SPARCL1: variants seen among roughly 807,000 people sequenced by gnomAD.
SPARCL1 encodes SPARC like 1.
Under a neutral mutation model 67.1 loss-of-function variants are expected in SPARCL1, and 52 were observed. The ratio of observed to expected loss-of-function variants is 0.78; its 90% CI spans 0.62 to 0.98. SPARCL1 has a LOEUF of 0.98. Ranked by LOEUF, SPARCL1 falls within the 50% of genes least tolerant of loss-of-function variation. The probability of loss-of-function intolerance (pLI) is 0.00; values close to 1 mark genes in which losing one functional copy is unlikely to be tolerated. For missense variants in SPARCL1, 717 were observed against 782.4 expected, an observed-to-expected ratio of 0.92 and a Z score of 1.00; for synonymous variants, 226 against 267.8, an observed-to-expected ratio of 0.84 and a Z score of 1.52.
intron 3 of SPARCL1, 96 bp downstream of exon 3, chr4:87,494,885 T>C (rs768086440): frequency 1.1e-4 from 131 of 1,161,764 alleles, no homozygotes; most frequent in Non-Finnish European, 1.5e-4. Flanking sequence ...AAAATTAAAC[T>C]GAGACATAAA....
intron 1 of SPARCL1, 145 bp from the exon 2 acceptor site, chr4:87,499,730 GA>G: frequency 1.4e-6 from 1 of 698,782 alleles, no homozygotes; most frequent in Non-Finnish European, 2.5e-6. Flanking sequence ...TGTCTGAAAA[GA>G]CAGATTGATG....
At chr4:87,516,406 A>G (rs568971081) in intron 1 of SPARCL1, among the ~76,000 whole-genome samples, 2 of 150,766 alleles carry the variant, frequency 1.3e-5, no homozygotes, top group Non-Finnish European at 2.9e-5. Context: ...TGTACTCAGT[A>G]GTAGAATCAC....
chr4:87,517,882 G>A lies in SPARCL1; in HGVS notation c.-12+11163C>T, dbSNP rs1282343012. 2.6e-5 allele frequency among the ~76,000 whole-genome samples: 4 copies of A among 152,174 alleles called. 1 individual carries two copies. Among genetic ancestry groups the A allele is most frequent in the African/African-American group, 9.7e-5 (4 of 41,436 alleles). ...AGTTCCAAGTAGCCTCATTCTCATG[G>A]TGTTGGGACCTTCTGGGGAATAATG... is the stretch of plus-strand genomic sequence containing the variant. On this transcript the variant is annotated intron_variant, in intron 1 of 10. Coordinates refer to ENST00000282470, the MANE Select transcript of SPARCL1 (RefSeq NM_004684.6).
intron 1 of SPARCL1, among the ~76,000 whole-genome samples, chr4:87,524,497 A>G (rs1322093053): frequency 6.6e-6 from 1 of 152,224 alleles, no homozygotes; most frequent in East Asian, 1.9e-4. Flanking sequence ...TCAGGCTTCT[A>G]AAAAAGTATA....
rs144180827 is a variant in SPARCL1, at chr4:87,507,409, C to A, written c.-11-7824G>T. Among the ~76,000 whole-genome samples the A allele has an allele frequency of 3.3e-5, 5 of 152,166 alleles. 1 individual carries two copies. The highest frequency in any genetic ancestry group is 1.2e-4 in the African/African-American group (5 of 41,518). On this transcript the variant is annotated intron_variant, in intron 1 of 10. Coordinates refer to ENST00000282470, the MANE Select transcript of SPARCL1 (RefSeq NM_004684.6). ...TAAATCTAAATGTAGCTGAATGAAT[C>A]AAAAGGAAAGAATGTCCAGTTGGCC...
intron 7 of SPARCL1, among the ~76,000 whole-genome samples, chr4:87,483,888 T>C (rs1174893891): frequency 6.6e-6 from 1 of 152,242 alleles, no homozygotes; most frequent in Non-Finnish European, 1.5e-5. Context: ...GTCTTCTTTT[T>C]GAGAAGTGTC....
intron 1 of SPARCL1, among the ~76,000 whole-genome samples, chr4:87,511,965 C>CTTT (rs1560827173): frequency 1.2e-5 from 1 of 82,030 alleles, no homozygotes; most frequent in African/African-American, 5.6e-5. Context: ...CTCTTTCTTT[C>CTTT]TCTTTTTTTT....
At chr4:87,527,601 G>A (rs1320127596) in intron 1 of SPARCL1, among the ~76,000 whole-genome samples, 1 of 152,096 alleles carries the variant, frequency 6.6e-6, no homozygotes, top group Non-Finnish European at 1.5e-5. Flanking sequence ...ATGTGAATCT[G>A]TGCCATGAGG....
intron 1 of SPARCL1, among the ~76,000 whole-genome samples, chr4:87,518,255 A>AGCTG (rs1444167894): frequency 6.6e-6 from 1 of 152,214 alleles, no homozygotes; most frequent in Non-Finnish European, 1.5e-5. Flanking sequence ...GCTTGCCCAC[A>AGCTG]GCTGGTCCAC....
rs747706737 is a variant in SPARCL1, at chr4:87,493,811, G to A, written c.989C>T (p.Thr330Ile). ...ATCAACTCCATGATTTCTGGGCGTG[G>A]TATTACCATCATCAGTAGGTTCCAT... is the stretch of plus-strand genomic sequence containing the variant. ...LLMEPTDDGN[T>I]TPRNHGVDDD... The change falls in exon 4 of 11, where the codon ACC (threonine) becomes ATC (isoleucine). Residue 330 changes from threonine (T) to isoleucine (I), a missense_variant. Transcript: ENST00000282470. 1.9e-6 allele frequency: 3 copies of A among 1,613,944 alleles called. No homozygotes were observed. Among genetic ancestry groups the A allele is most frequent in the East Asian group, 4.5e-5 (2 of 44,880 alleles).
chr4:87,517,552 A>T (rs1311256545), intron 1 of SPARCL1, among the ~76,000 whole-genome samples: 1 of 152,024 alleles, frequency 6.6e-6, no homozygotes, highest in Non-Finnish European at 1.5e-5. Context: ...CCTACCCCTT[A>T]ATTTATTTGT....
intron 1 of SPARCL1, among the ~76,000 whole-genome samples, chr4:87,523,268 A>AG (rs1456147451): frequency 6.6e-6 from 1 of 151,662 alleles, no homozygotes; most frequent in Non-Finnish European, 1.5e-5. Flanking sequence ...CTCAAAAAAA[A>AG]AAAAAATCTC....
intron 1 of SPARCL1, among the ~76,000 whole-genome samples, chr4:87,503,337 C>T (rs1282750803): frequency 2.6e-5 from 4 of 152,202 alleles, no homozygotes; most frequent in Non-Finnish European, 5.9e-5. Flanking sequence ...TCTATGGCAT[C>T]CTTCTCTGCA....
At chr4:87,524,400 T>C (rs941426024) in intron 1 of SPARCL1, among the ~76,000 whole-genome samples, 6 of 152,324 alleles carry the variant, frequency 3.9e-5, no homozygotes, top group Non-Finnish European at 7.4e-5. Flanking sequence ...ACAGATCTTT[T>C]TGAAAAACAT....
chr4:87,503,862 A>G (rs1724957638), intron 1 of SPARCL1, among the ~76,000 whole-genome samples: 1 of 151,364 alleles, frequency 6.6e-6, no homozygotes, highest in Admixed American at 6.6e-5. Flanking sequence ...TATTTTTAGT[A>G]GAGACAGGGG....
Position 87,491,707 on chromosome 4 carries a change from G to A in SPARCL1, c.1219-17C>T. 1.3e-6 allele frequency: 2 copies of A among 1,587,124 alleles called. No homozygotes were observed. Among genetic ancestry groups the A allele is most frequent in the Non-Finnish European group, 1.7e-6 (2 of 1,156,130 alleles). On this transcript the variant is annotated splice_polypyrimidine_tract_variant and intron_variant, in intron 4 of 10. Transcript: ENST00000282470. ...TTTCTTGGCCTTTAGAATAACAAGAGCAAAAGTTAAAATCTACTAAGAGGA... is the reference window on the plus strand; with the variant it reads ...TTTCTTGGCCTTTAGAATAACAAGAACAAAAGTTAAAATCTACTAAGAGGA...
chr4:87,506,329 T>C (rs909786817), intron 1 of SPARCL1, among the ~76,000 whole-genome samples: 3 of 152,196 alleles, frequency 2.0e-5, no homozygotes, highest in Non-Finnish European at 4.4e-5. Context: ...ATATGTCAAC[T>C]TGACTAGACC....
At chr4:87,476,042 C>G (rs1723570560) in intron 10 of SPARCL1, among the ~76,000 whole-genome samples, 1 of 152,118 alleles carries the variant, frequency 6.6e-6, no homozygotes, top group South Asian at 2.1e-4. Context: ...AGATAATGGC[C>G]AAACCATAAT....
At chr4:87,516,224 A>G (rs750888424) in intron 1 of SPARCL1, among the ~76,000 whole-genome samples, 1 of 152,020 alleles carries the variant, frequency 6.6e-6, no homozygotes, top group Non-Finnish European at 1.5e-5. Flanking sequence ...ATCCTGTGCC[A>G]CTCCAGATCA....
Sources: allele counts gnomAD v4.1 joint callset (sites outside exome capture counted in the v4.1 genomes callset), GRCh38; gene constraint gnomAD v4.1.1; transcripts MANE v1.5; gene names NCBI Gene and HGNC (gene_info 2026-07-23, HGNC 2026-07-21).